DLG2: variants seen among roughly 807,000 people sequenced by gnomAD.
DLG2 encodes disks large homolog 2.
Under a neutral mutation model 132.5 loss-of-function variants are expected in DLG2, and 45 were observed. The ratio of observed to expected loss-of-function variants is 0.34; its 90% CI spans 0.27 to 0.44. The LOEUF (loss-of-function observed/expected upper bound fraction) is 0.44, where lower values mean the gene tolerates loss of function less well. DLG2 is among the 20% of genes least tolerant of loss of function. DLG2 has a pLI of 1.00. For missense variants in DLG2, 1,045 were observed against 1,196.9 expected, an observed-to-expected ratio of 0.87 and a Z score of 1.87; for synonymous variants, 424 against 419.6, an observed-to-expected ratio of 1.01 and a Z score of -0.13.
At chr11:84,275,380 A>G (rs2097774646) in intron 7 of DLG2, among the ~76,000 whole-genome samples, 1 of 151,242 alleles carries the variant, frequency 6.6e-6, no homozygotes, top group Non-Finnish European at 1.5e-5. Flanking sequence ...CTTGAGACGG[A>G]GTCTCGCTCT....
chr11:85,131,443 A>G (rs557164147), intron 5 of DLG2, among the ~76,000 whole-genome samples: 1 of 152,306 alleles, frequency 6.6e-6, no homozygotes, highest in South Asian at 2.1e-4. Flanking sequence ...GAAGAGTAAC[A>G]TATTTAAGAG....
At chr11:84,539,642 T>C (rs1424715391) in intron 6 of DLG2, among the ~76,000 whole-genome samples, 1 of 152,150 alleles carries the variant, frequency 6.6e-6, no homozygotes, top group Non-Finnish European at 1.5e-5. Flanking sequence ...AATCTATAAA[T>C]TACCTTGGGC....
intron 6 of DLG2, among the ~76,000 whole-genome samples, chr11:84,966,144 A>C (rs183848458): frequency 9.2e-5 from 14 of 152,058 alleles, no homozygotes; most frequent in Admixed American, 9.2e-4. Context: ...CTTTCATCAT[A>C]ATTAGCTTAA....
intron 2 of DLG2, among the ~76,000 whole-genome samples, chr11:85,618,803 C>T (rs1791144577): frequency 1.3e-5 from 2 of 152,152 alleles, no homozygotes; most frequent in African/African-American, 4.8e-5. Context: ...TTTGTGCATA[C>T]CTCACTGACT....
At chr11:84,411,479 G>T (rs2098902977) in intron 7 of DLG2, among the ~76,000 whole-genome samples, 1 of 151,890 alleles carries the variant, frequency 6.6e-6, no homozygotes, top group South Asian at 2.1e-4. Context: ...AATCTTAGTT[G>T]TACACTGATT....
At position 85,472,351 on chromosome 11, in the gene DLG2, G is replaced by C. The variant is rs183894836; in HGVS notation, c.40+126306C>G. Reference sequence around the variant, plus strand: ...AGAGTCTCACTCTGTCACCAGGCTGGAGTGCAGAGGCGTGATCTCAGCTCA... The same window carrying C: ...AGAGTCTCACTCTGTCACCAGGCTGCAGTGCAGAGGCGTGATCTCAGCTCA... On this transcript the variant is annotated intron_variant, in intron 3 of 27. Coordinates refer to ENST00000376104, the MANE Select transcript of DLG2 (RefSeq NM_001142699.3). 3.9e-3 allele frequency among the ~76,000 whole-genome samples: 600 copies of C among 152,224 alleles called. 6 individuals carry two copies. Among genetic ancestry groups the C allele is most frequent in the Non-Finnish European group, 2.9e-3 (196 of 68,010 alleles).
chr11:84,006,439 C>A (rs34128815), intron 11 of DLG2, among the ~76,000 whole-genome samples: 30,219 of 151,084 alleles, frequency 0.2, 3,132 homozygotes, highest in Admixed American at 0.28. Context: ...GAAGAGAGGA[C>A]TTGAATTGTT....
chr11:85,614,040 G>A (rs137906349), intron 2 of DLG2, among the ~76,000 whole-genome samples: 4,812 of 152,212 alleles, frequency 0.032, 94 homozygotes, highest in Middle Eastern at 0.061. Context: ...GAACCCACCA[G>A]AAGGAAGAAA....
intron 6 of DLG2, among the ~76,000 whole-genome samples, chr11:85,039,344 T>C (rs1367461734): frequency 6.6e-6 from 1 of 151,964 alleles, no homozygotes; most frequent in East Asian, 1.9e-4. Flanking sequence ...GTCTAGGTAG[T>C]TGATCAGTAC....
chr11:84,952,044 G>A (rs1217370873), intron 6 of DLG2, among the ~76,000 whole-genome samples: 1 of 152,136 alleles, frequency 6.6e-6, no homozygotes, highest in Non-Finnish European at 1.5e-5. Flanking sequence ...ACCTTAAAAA[G>A]CTTATAATGT....
At chr11:84,776,358 T>C (rs2070492617) in intron 6 of DLG2, among the ~76,000 whole-genome samples, 1 of 152,174 alleles carries the variant, frequency 6.6e-6, no homozygotes, top group Non-Finnish European at 1.5e-5. Context: ...GGTCTCCTTA[T>C]GTTGCCCAGG....
chr11:84,898,351 T>C (rs137990493), intron 6 of DLG2, among the ~76,000 whole-genome samples: 132 of 152,040 alleles, frequency 8.7e-4, no homozygotes, highest in African/African-American at 3.2e-3. Flanking sequence ...ATCTACCCAA[T>C]CCCCAAAGAC....
At chr11:83,466,270 A>T (rs922761312) in intron 26 of DLG2, among the ~76,000 whole-genome samples, 2 of 152,208 alleles carry the variant, frequency 1.3e-5, no homozygotes, top group African/African-American at 4.8e-5. Flanking sequence ...ACACATTTAA[A>T]AAGATTTACT....
intron 6 of DLG2, among the ~76,000 whole-genome samples, chr11:84,636,785 T>A (rs1404239554): frequency 1.5e-4 from 1 of 6,840 alleles, no homozygotes; most frequent in African/African-American, 3.9e-4. Context: ...GGGATGCACA[T>A]TTTTTTTTTT....
chr11:85,109,128 G>C (rs1566866864), intron 6 of DLG2, among the ~76,000 whole-genome samples: 1 of 152,090 alleles, frequency 6.6e-6, no homozygotes, highest in Non-Finnish European at 1.5e-5. Flanking sequence ...TCCTGGCCAA[G>C]GGCAGGCTCA....
intron 18 of DLG2, among the ~76,000 whole-genome samples, chr11:83,737,817 G>T (rs2092104433): frequency 6.6e-6 from 1 of 152,166 alleles, no homozygotes; most frequent in South Asian, 2.1e-4. Context: ...GCTGAGTGTG[G>T]TGGTGGGTGC....
chr11:84,642,266 C>T (rs1040287361), intron 6 of DLG2, among the ~76,000 whole-genome samples: 2 of 151,600 alleles, frequency 1.3e-5, no homozygotes, highest in African/African-American at 4.9e-5. Context: ...ACCAATTCAT[C>T]CAAGTAACAC....
intron 11 of DLG2, among the ~76,000 whole-genome samples, chr11:83,992,768 A>G (rs1184387511): frequency 6.6e-6 from 1 of 152,174 alleles, no homozygotes; most frequent in Non-Finnish European, 1.5e-5. Context: ...GGAGGAAAGG[A>G]CAGTGGAGAT....
chr11:84,780,997 C>CAAAAAAAAA (rs372443245), intron 6 of DLG2, among the ~76,000 whole-genome samples: 1 of 93,958 alleles, frequency 1.1e-5, no homozygotes. Flanking sequence ...CAGGATTGTA[C>CAAAAAAAAA]AAAAAAAAAA....
Sources: allele counts gnomAD v4.1 joint callset (sites outside exome capture counted in the v4.1 genomes callset), GRCh38; gene constraint gnomAD v4.1.1; transcripts MANE v1.5; gene names NCBI Gene and HGNC (gene_info 2026-07-23, HGNC 2026-07-21).